GLI3: variants seen among roughly 807,000 people sequenced by gnomAD.
GLI3 encodes transcription activator GLI3.
In GLI3, 20 loss-of-function variants were observed where a neutral mutation model predicts 100.8. The observed-to-expected ratio is 0.20, with a 90% CI of 0.14 to 0.29. GLI3 has a LOEUF of 0.29. GLI3 is among the 10% of genes least tolerant of loss of function. The pLI, the probability that GLI3 is intolerant of heterozygous loss-of-function variation, is 1.00. For missense variants in GLI3, 2,040 were observed against 2,128.5 expected, an observed-to-expected ratio of 0.96 and a Z score of 0.82; for synonymous variants, 938 against 860.5, an observed-to-expected ratio of 1.09 and a Z score of -1.58.
chr7:41,992,552 AT>A (rs1056200620), intron 10 of GLI3, among the ~76,000 whole-genome samples: 1 of 152,210 alleles, frequency 6.6e-6, no homozygotes, highest in Non-Finnish European at 1.5e-5. Flanking sequence ...CCTACACAGT[AT>A]TTTAAAGATT....
intron 2 of GLI3, among the ~76,000 whole-genome samples, chr7:42,178,521 A>C (rs1787526931): frequency 6.6e-6 from 1 of 152,174 alleles, no homozygotes; most frequent in Admixed American, 6.5e-5. Context: ...ACCCCCCTTC[A>C]AGAAGAAAGG....
At chr7:42,197,135 C>T (rs374079694) in intron 2 of GLI3, among the ~76,000 whole-genome samples, 2 of 152,130 alleles carry the variant, frequency 1.3e-5, no homozygotes, top group South Asian at 2.1e-4. Context: ...GCAGGACCCC[C>T]GTTACTGACT....
chr7:42,242,769 T>A (rs1237856323), upstream of GLI3, among the ~76,000 whole-genome samples: 1 of 152,232 alleles, frequency 6.6e-6, no homozygotes, highest in Non-Finnish European at 1.5e-5. Flanking sequence ...CTAGTCACCT[T>A]GTCCCCACAC....
At chr7:42,099,407 A>T (rs1785410512) in intron 3 of GLI3, among the ~76,000 whole-genome samples, 1 of 152,260 alleles carries the variant, frequency 6.6e-6, no homozygotes. Flanking sequence ...AATAATTGAA[A>T]TAGAGCATAC....
At chr7:42,256,162 G>T (rs1409912654) in intron 1 of GLI3, among the ~76,000 whole-genome samples, 1 of 151,690 alleles carries the variant, frequency 6.6e-6, no homozygotes, top group Non-Finnish European at 1.5e-5. Context: ...TAATCTTATT[G>T]TGTTGTAAGA....
At chr7:42,184,064 C>A (rs150085252) in intron 2 of GLI3, among the ~76,000 whole-genome samples, 2 of 152,164 alleles carry the variant, frequency 1.3e-5, no homozygotes, top group African/African-American at 4.8e-5. Flanking sequence ...ATAGGATTAC[C>A]GAGGATTAGA....
At chr7:41,982,810 C>A (rs1583753945) in intron 10 of GLI3, among the ~76,000 whole-genome samples, 1 of 152,080 alleles carries the variant, frequency 6.6e-6, no homozygotes, top group East Asian at 1.9e-4. Flanking sequence ...AGGAAGCATT[C>A]CAGACAATTT....
intron 3 of GLI3, among the ~76,000 whole-genome samples, chr7:42,086,692 C>A (rs949017790): frequency 3.9e-5 from 6 of 152,062 alleles, no homozygotes; most frequent in African/African-American, 1.4e-4. Context: ...CAAACACCAC[C>A]CCCTCCATCA....
At chr7:42,093,106 G>A (rs73088676) in intron 3 of GLI3, among the ~76,000 whole-genome samples, 35,389 of 151,242 alleles carry the variant, frequency 0.23, 4,330 homozygotes, top group Admixed American at 0.36. Context: ...GAGCCACCGC[G>A]CCTGGCCAGG....
At chr7:42,146,855 G>A (rs963847441) in intron 3 of GLI3, among the ~76,000 whole-genome samples, 2 of 152,116 alleles carry the variant, frequency 1.3e-5, no homozygotes, top group Non-Finnish European at 2.9e-5. Context: ...ATTACTAAAA[G>A]GAAAGATGAA....
intron 10 of GLI3, among the ~76,000 whole-genome samples, chr7:42,020,869 G>A (rs931831353): frequency 2.9e-5 from 4 of 139,984 alleles, no homozygotes; most frequent in Admixed American, 7.5e-5. Context: ...CAGCCTGGGC[G>A]ACAGAGCGAG....
intron 2 of GLI3, among the ~76,000 whole-genome samples, chr7:42,176,850 C>T (rs1023195457): frequency 6.6e-6 from 1 of 152,178 alleles, no homozygotes; most frequent in Non-Finnish European, 1.5e-5. Context: ...CAAGGAAGAG[C>T]ACAGGATCGC....
chr7:42,175,360 G>A (rs1403006363), intron 2 of GLI3, among the ~76,000 whole-genome samples: 2 of 152,198 alleles, frequency 1.3e-5, no homozygotes, highest in African/African-American at 2.4e-5. Context: ...GCTCATGCCT[G>A]TAATCCCAGC....
chr7:42,092,651 G>T (rs541210583), intron 3 of GLI3, among the ~76,000 whole-genome samples: 2 of 152,238 alleles, frequency 1.3e-5, no homozygotes, highest in Non-Finnish European at 2.9e-5. Flanking sequence ...AGTGGGCACC[G>T]CACTGCCCCG....
chr7:41,966,346 G>T lies in GLI3; in HGVS notation c.2727C>A (p.Ala909=), dbSNP rs1277134725. 6.2e-7 allele frequency: 1 copy of T among 1,608,034 alleles called. No individual in the cohort carries two copies. ...STDASRRSSE[A]SQSDGLPSLL... is the part of the protein sequence containing the mutation. ...GGCTGGGCAGGCCGTCGCTCTGGCTGGCTTCGCTGGAGCGGCGCGAGGCGT... is the reference window on the plus strand; with the variant it reads ...GGCTGGGCAGGCCGTCGCTCTGGCTTGCTTCGCTGGAGCGGCGCGAGGCGT... Residue 909 remains alanine (A), a synonymous_variant, in exon 15 of 15, where the codon GCC becomes GCA. Transcript: ENST00000395925. The surrounding 1 kb of genome is among the most constrained non-coding windows in gnomAD (Gnocchi z 5.8).
intron 3 of GLI3, among the ~76,000 whole-genome samples, chr7:42,097,645 T>A (rs1046976309): frequency 2.6e-5 from 4 of 152,210 alleles, no homozygotes; most frequent in Admixed American, 2.6e-4. Context: ...TTTAACAAAA[T>A]GTCTCTCTCA....
chr7:42,199,548 T>C (rs957700382), intron 2 of GLI3, among the ~76,000 whole-genome samples: 1 of 152,174 alleles, frequency 6.6e-6, no homozygotes, highest in Non-Finnish European at 1.5e-5. Context: ...AGTTTTTATA[T>C]GCAATGGTTG....
At chr7:42,172,373 C>T (rs1787391133) in intron 2 of GLI3, 1 of 598,912 alleles carries the variant, frequency 1.7e-6, no homozygotes, top group Admixed American at 2.8e-5. Flanking sequence ...TCTTAACTCA[C>T]TGCCTCTGTG....
chr7:42,120,659 A>T (rs1785974952), intron 3 of GLI3, among the ~76,000 whole-genome samples: 1 of 152,254 alleles, frequency 6.6e-6, no homozygotes, highest in Non-Finnish European at 1.5e-5. Flanking sequence ...GGGGCAAAAC[A>T]GTATTTCAAA....
Sources: allele counts gnomAD v4.1 joint callset (sites outside exome capture counted in the v4.1 genomes callset), GRCh38; gene constraint gnomAD v4.1.1; non-coding constraint Gnocchi (gnomAD v3.1); transcripts MANE v1.5; gene names NCBI Gene and HGNC (gene_info 2026-07-23, HGNC 2026-07-21).